Variants in PARD3 observed in about 807,000 individuals in gnomAD.
PARD3 encodes partitioning defective 3 homolog.
PARD3 carries 75 observed loss-of-function variants against 155.4 expected under a neutral mutation model. The ratio of observed to expected loss-of-function variants is 0.48; its 90% CI spans 0.40 to 0.58. The LOEUF (loss-of-function observed/expected upper bound fraction) is 0.58, where lower values mean the gene tolerates loss of function less well. PARD3 is among the 20% of genes least tolerant of loss of function. PARD3 has a pLI of 0.00. For missense variants in PARD3, 1,642 were observed against 1,721.7 expected (o/e 0.95, Z 0.82); for synonymous variants, 576 against 610.5 (o/e 0.94, Z 0.83).
intron 12 of PARD3, among the ~76,000 whole-genome samples, chr10:34,368,133 G>T (rs1044312197): frequency 6.6e-6 from 1 of 151,916 alleles, no homozygotes; most frequent in East Asian, 1.9e-4. Flanking sequence ...GCCTGTAATT[G>T]CAACTACTCA....
intron 1 of PARD3, among the ~76,000 whole-genome samples, chr10:34,783,742 A>G (rs913806176): frequency 6.6e-6 from 1 of 152,050 alleles, no homozygotes; most frequent in Non-Finnish European, 1.5e-5. Flanking sequence ...AGGGAGAACA[A>G]CCCATAATCC....
At chr10:34,517,568 G>T (rs2081862843) in intron 2 of PARD3, among the ~76,000 whole-genome samples, 1 of 152,040 alleles carries the variant, frequency 6.6e-6, no homozygotes, top group Non-Finnish European at 1.5e-5. Context: ...CACATAAAAA[G>T]GGGATATTAA....
chr10:34,199,647 A>T (rs1951115166), intron 22 of PARD3, among the ~76,000 whole-genome samples: 1 of 152,216 alleles, frequency 6.6e-6, no homozygotes, highest in African/African-American at 2.4e-5. Flanking sequence ...AAGCATGAAT[A>T]GAATTTAAAA....
intron 2 of PARD3, among the ~76,000 whole-genome samples, chr10:34,601,896 A>G (rs1244928549): frequency 1.3e-5 from 2 of 152,212 alleles, no homozygotes; most frequent in Non-Finnish European, 2.9e-5. Context: ...CAGAAGCGGG[A>G]AAAAATTGCA....
intron 2 of PARD3, among the ~76,000 whole-genome samples, chr10:34,673,178 A>G (rs1013443638): frequency 6.6e-6 from 1 of 152,222 alleles, no homozygotes; most frequent in Non-Finnish European, 1.5e-5. Context: ...ACACTGCATG[A>G]TATTTCCTTA....
intron 22 of PARD3, among the ~76,000 whole-genome samples, chr10:34,240,825 TAG>T: frequency 6.6e-6 from 1 of 151,806 alleles, no homozygotes; most frequent in Non-Finnish European, 1.5e-5. Context: ...CTCAAAACTA[TAG>T]AGAGAAGGAC....
chr10:34,389,952 C>T (rs972308434), intron 7 of PARD3, among the ~76,000 whole-genome samples: 1 of 152,086 alleles, frequency 6.6e-6, no homozygotes, highest in Non-Finnish European at 1.5e-5. Context: ...TATAAAGAGA[C>T]ATGATTCATG....
intron 1 of PARD3, among the ~76,000 whole-genome samples, chr10:34,749,676 C>T (rs1835744914): frequency 6.6e-6 from 1 of 152,050 alleles, no homozygotes; most frequent in African/African-American, 2.4e-5. Flanking sequence ...GATATATGGA[C>T]TTCTTGGATA....
At chr10:34,331,367 A>T in intron 18 of PARD3, 23 bp from the exon 19 acceptor site, 1 of 1,531,246 alleles carries the variant, frequency 6.5e-7, no homozygotes, top group Non-Finnish European at 9.0e-7. Flanking sequence ...CAAGAAAAAA[A>T]ATGTTAGTGT....
intron 23 of PARD3, among the ~76,000 whole-genome samples, chr10:34,130,333 A>G (rs1203471420): frequency 1.3e-5 from 2 of 151,982 alleles, no homozygotes; most frequent in Non-Finnish European, 2.9e-5. Context: ...CCTTGGTAGG[A>G]CTCCAGCACC....
intron 2 of PARD3, among the ~76,000 whole-genome samples, chr10:34,604,413 A>G (rs1038919846): frequency 7.2e-5 from 11 of 152,032 alleles, no homozygotes; most frequent in Admixed American, 7.2e-4. Context: ...CTCCCAGCCC[A>G]CATCTTTCTC....
chr10:34,617,911 G>A (rs953917999), intron 2 of PARD3, among the ~76,000 whole-genome samples: 3 of 152,126 alleles, frequency 2.0e-5, no homozygotes, highest in Non-Finnish European at 4.4e-5. Context: ...AACTGTGAGA[G>A]AGAAAACTTT....
intron 5 of PARD3, among the ~76,000 whole-genome samples, chr10:34,411,745 TA>T (rs1845087360): frequency 7.1e-6 from 1 of 140,192 alleles, no homozygotes; most frequent in African/African-American, 3.0e-5. Context: ...GATAGATAGA[TA>T]GATAGATAGA....
intron 2 of PARD3, among the ~76,000 whole-genome samples, chr10:34,610,875 T>C (rs985656518): frequency 2.0e-5 from 3 of 152,104 alleles, no homozygotes; most frequent in Admixed American, 2.0e-4. Flanking sequence ...TTTATGTCTG[T>C]AAAGGGTGGT....
At chr10:34,243,718 G>C (rs920522111) in intron 22 of PARD3, among the ~76,000 whole-genome samples, 9 of 152,100 alleles carry the variant, frequency 5.9e-5, no homozygotes, top group African/African-American at 2.2e-4. Flanking sequence ...CACTGAGCAG[G>C]AGAATTGCTT....
intron 3 of PARD3, among the ~76,000 whole-genome samples, chr10:34,479,988 C>T (rs1048615223): frequency 5.9e-5 from 9 of 152,338 alleles, no homozygotes; most frequent in Admixed American, 1.3e-4. Context: ...GCCACAGCTG[C>T]ACAAAAGCCA....
At chr10:34,408,237 C>T (rs1844693788) in intron 5 of PARD3, among the ~76,000 whole-genome samples, 1 of 151,642 alleles carries the variant, frequency 6.6e-6, no homozygotes, top group Admixed American at 6.6e-5. Context: ...TGAAAATTCT[C>T]ATGGTACAAT....
chr10:34,807,690 G>A (rs77311468), intron 1 of PARD3, among the ~76,000 whole-genome samples: 14 of 65,760 alleles, frequency 2.1e-4, no homozygotes, highest in African/African-American at 1.1e-3. Context: ...GTGTGTGTGT[G>A]TATATATATA....
chr10:34,814,746 G>C, intron 1 of PARD3, 130 bp downstream of exon 1: 1 of 785,546 alleles, frequency 1.3e-6, no homozygotes. Flanking sequence ...GCGCCCGCGA[G>C]GCCCGACCGG....
Sources: allele counts gnomAD v4.1 joint callset (sites outside exome capture counted in the v4.1 genomes callset), GRCh38; gene constraint gnomAD v4.1.1; transcripts MANE v1.5; gene names NCBI Gene and HGNC (gene_info 2026-07-23, HGNC 2026-07-21).